GMDS: variants seen among roughly 807,000 people sequenced by gnomAD.
GMDS encodes the protein GDP-mannose 4,6-dehydratase.
GMDS carries 20 observed loss-of-function variants against 49.9 expected under a neutral mutation model. The ratio of observed to expected loss-of-function variants is 0.40; its 90% CI spans 0.28 to 0.58. The LOEUF is 0.58. GMDS is among the 20% of genes least tolerant of loss of function. The pLI is 0.42. For synonymous variants in GMDS, 177 were observed against 178.6 expected, an observed-to-expected ratio of 0.99 and a Z score of 0.07; for missense variants, 362 against 481.4, an observed-to-expected ratio of 0.75 and a Z score of 2.32.
At chr6:1,700,864 G>A (rs531049036) in intron 9 of GMDS, among the ~76,000 whole-genome samples, 4 of 152,138 alleles carry the variant, frequency 2.6e-5, no homozygotes, top group Non-Finnish European at 4.4e-5. Context: ...CTGGAAATCC[G>A]AGACCCTAAC....
At chr6:1,939,084 T>A (rs1762689381) in intron 6 of GMDS, among the ~76,000 whole-genome samples, 2 of 152,042 alleles carry the variant, frequency 1.3e-5, no homozygotes, top group Non-Finnish European at 2.9e-5. Flanking sequence ...TGGGCATTTT[T>A]ACATTCTGTT....
At chr6:2,177,263 T>C (rs1778326534) in intron 1 of GMDS, among the ~76,000 whole-genome samples, 1 of 152,140 alleles carries the variant, frequency 6.6e-6, no homozygotes, top group Non-Finnish European at 1.5e-5. Flanking sequence ...GTACGTATAA[T>C]CTGGAGAGAT....
In GMDS at chr6:1,942,132, C is replaced by T. The variant is rs141791173; in HGVS notation, c.644-11902G>A. ...GGAGACATTACCATTAACTCTAGTT[C>T]GCTTCTCCTTTTACCCCAAGCTAAC... is the stretch of plus-strand genomic sequence containing the variant. On this transcript the variant is annotated intron_variant, in intron 6 of 10. Transcript: ENST00000380815. Among the ~76,000 whole-genome samples, 705 of 152,274 alleles carry T rather than the reference C, an allele frequency of 4.6e-3. 2 individuals carry two copies. Among genetic ancestry groups the T allele is most frequent in the Non-Finnish European group, 8.1e-3 (554 of 68,014 alleles).
intron 7 of GMDS, among the ~76,000 whole-genome samples, chr6:1,754,828 C>T (rs573486450): frequency 1.3e-4 from 20 of 152,138 alleles, no homozygotes; most frequent in Non-Finnish European, 2.8e-4. Context: ...AAAATCAACA[C>T]CCCTTCATGC....
chr6:1,653,745 A>G (rs1763788046), intron 9 of GMDS, among the ~76,000 whole-genome samples: 1 of 152,250 alleles, frequency 6.6e-6, no homozygotes, highest in Non-Finnish European at 1.5e-5. Context: ...CTGGATATCC[A>G]CATGCGAAAG....
intron 1 of GMDS, among the ~76,000 whole-genome samples, chr6:2,236,117 C>A (rs1265286942): frequency 2.6e-5 from 4 of 152,204 alleles, no homozygotes; most frequent in African/African-American, 9.7e-5. Context: ...AAAGGCTGGG[C>A]AGGATTATTA....
intron 7 of GMDS, among the ~76,000 whole-genome samples, chr6:1,923,114 C>A (rs549313952): frequency 2.0e-5 from 3 of 152,286 alleles, no homozygotes; most frequent in Non-Finnish European, 4.4e-5. Flanking sequence ...TCCCCAGCCA[C>A]GTGGAACTGT....
At chr6:1,681,475 A>G (rs1426696751) in intron 9 of GMDS, among the ~76,000 whole-genome samples, 1 of 152,220 alleles carries the variant, frequency 6.6e-6, no homozygotes, top group Non-Finnish European at 1.5e-5. Context: ...AAGCTCTGCC[A>G]TTCAGGACAA....
At chr6:1,993,613 G>A (rs1444157578) in intron 4 of GMDS, among the ~76,000 whole-genome samples, 3 of 152,082 alleles carry the variant, frequency 2.0e-5, no homozygotes, top group Non-Finnish European at 2.9e-5. Flanking sequence ...CTTCAGGGCC[G>A]TGCTTCATTA....
intron 7 of GMDS, among the ~76,000 whole-genome samples, chr6:1,788,813 T>C (rs550725349): frequency 1.2e-4 from 19 of 152,378 alleles, no homozygotes; most frequent in African/African-American, 4.6e-4. Flanking sequence ...CTTAGATCTC[T>C]GGACACCCTT....
chr6:1,949,371 G>C (rs1427077549), intron 6 of GMDS, among the ~76,000 whole-genome samples: 1 of 152,124 alleles, frequency 6.6e-6, no homozygotes, highest in Admixed American at 6.5e-5. Context: ...TATATACTGC[G>C]TGGCTATATT....
chr6:2,160,409 C>T (rs957466924), intron 1 of GMDS, among the ~76,000 whole-genome samples: 2 of 152,184 alleles, frequency 1.3e-5, no homozygotes, highest in Non-Finnish European at 2.9e-5. Flanking sequence ...AGGTGGAACA[C>T]TTTTCAGCTA....
chr6:1,724,793 G>A (rs1392087448), intron 9 of GMDS, among the ~76,000 whole-genome samples: 1 of 152,138 alleles, frequency 6.6e-6, no homozygotes, highest in Non-Finnish European at 1.5e-5. Flanking sequence ...CCTCCCTGAG[G>A]GCCAGTACAC....
At chr6:1,680,689 C>T (rs545286171) in intron 9 of GMDS, among the ~76,000 whole-genome samples, 1 of 152,314 alleles carries the variant, frequency 6.6e-6, no homozygotes, top group African/African-American at 2.4e-5. Context: ...GTTCCAGGTG[C>T]ATCACTTGAG....
chr6:2,155,630 T>A (rs1339686368), intron 1 of GMDS, among the ~76,000 whole-genome samples: 1 of 152,146 alleles, frequency 6.6e-6, no homozygotes, highest in Admixed American at 6.5e-5. Flanking sequence ...TGTTTTAAAT[T>A]TTTCAAATTC....
At chr6:1,707,464 C>T (rs1561745382) in intron 9 of GMDS, among the ~76,000 whole-genome samples, 1 of 152,298 alleles carries the variant, frequency 6.6e-6, no homozygotes, top group East Asian at 1.9e-4. Flanking sequence ...CTCTCAAAGG[C>T]CCTGCTCCAG....
At chr6:2,185,801 A>G (rs1778753017) in intron 1 of GMDS, among the ~76,000 whole-genome samples, 1 of 152,166 alleles carries the variant, frequency 6.6e-6, no homozygotes, top group Non-Finnish European at 1.5e-5. Context: ...CCCCATTCAG[A>G]ACACATCAGC....
chr6:2,128,341 AT>A (rs1210587379), intron 1 of GMDS, among the ~76,000 whole-genome samples: 2 of 151,660 alleles, frequency 1.3e-5, no homozygotes, highest in African/African-American at 4.8e-5. Flanking sequence ...CACCCAGCTA[AT>A]TTTTTGTATT....
At chr6:2,000,035 CTTTTT>C (rs1246135856) in intron 4 of GMDS, among the ~76,000 whole-genome samples, 1 of 13,380 alleles carries the variant, frequency 7.5e-5, no homozygotes, top group Non-Finnish European at 1.4e-4. Flanking sequence ...ATATCTATAT[CTTTTT>C]TTTTTTTTTT....
Sources: allele counts gnomAD v4.1 joint callset (sites outside exome capture counted in the v4.1 genomes callset), GRCh38; gene constraint gnomAD v4.1.1; transcripts MANE v1.5; gene names NCBI Gene and HGNC (gene_info 2026-07-23, HGNC 2026-07-21).